Variants in MZT2A observed in about 807,000 individuals in gnomAD.
MZT2A encodes the protein mitotic-spindle organizing protein 2A.
MZT2A carries 8 observed loss-of-function variants against 12.4 expected under a neutral mutation model. That is an observed-to-expected ratio of 0.64 (90% CI 0.38 to 1.16). The LOEUF is 1.16. MZT2A is among the 50% of genes most tolerant of loss of function. The pLI is 0.01. For missense variants in MZT2A, 181 were observed against 223.6 expected (o/e 0.81, Z 1.22); for synonymous variants, 88 against 107.5 (o/e 0.82, Z 1.12).
chr2:131,474,318 C>T (rs1488564567), intron 2 of MZT2A, among the ~76,000 whole-genome samples: 4 of 151,570 alleles, frequency 2.6e-5, no homozygotes, highest in Admixed American at 2.0e-4. Context: ...AGGATGGTCT[C>T]GATCTCCTGA....
At chr2:131,493,187 G>A (rs887075145), upstream of MZT2A, 19 of 1,406,288 alleles carry the variant, frequency 1.4e-5, no homozygotes, top group Non-Finnish European at 1.7e-5. Context: ...CGCCCTGGGG[G>A]CTTCCGCGAG....
At chr2:131,490,852 T>G in intron 2 of MZT2A, 1 of 1,549,982 alleles carries the variant, frequency 6.5e-7, no homozygotes, top group Non-Finnish European at 8.7e-7. Flanking sequence ...ACGAGGGCCT[T>G]GCAGGGGGGC....
chr2:131,487,942 T>C (rs1256541034), intron 2 of MZT2A, among the ~76,000 whole-genome samples: 1 of 146,274 alleles, frequency 6.8e-6, no homozygotes, highest in Non-Finnish European at 1.5e-5. Flanking sequence ...AATTTTTGTA[T>C]GTTTTGTAGA....
At chr2:131,491,518 T>C (rs1293407547) in intron 2 of MZT2A, 6 of 410,672 alleles carry the variant, frequency 1.5e-5, no homozygotes, top group Admixed American at 4.1e-5. Context: ...CCTCCCGCCG[T>C]GGGGTCCCAA....
intron 2 of MZT2A, among the ~76,000 whole-genome samples, chr2:131,484,841 C>G (rs566793077): frequency 2.0e-5 from 3 of 152,088 alleles, no homozygotes; most frequent in Non-Finnish European, 4.4e-5. Context: ...ACAGTCTGAA[C>G]GCTTGAGACT....
At chr2:131,481,463 T>C (rs1373025400), downstream of MZT2A, among the ~76,000 whole-genome samples, 2 of 141,360 alleles carry the variant, frequency 1.4e-5, no homozygotes, top group Admixed American at 7.2e-5. Flanking sequence ...TGAGACAGAG[T>C]CTTGCTCTGT....
chr2:131,492,727 A>G (rs999910471), upstream of MZT2A: 8 of 1,273,572 alleles, frequency 6.3e-6, no homozygotes, highest in Non-Finnish European at 8.0e-6. Flanking sequence ...TACCTGTTTC[A>G]AGAAAGCGTG....
At position 131,492,339 on chromosome 2, in the gene MZT2A, G is replaced by A; in HGVS notation, c.38C>T (p.Ala13Val). The change falls in exon 1 of 3, where the codon GCG becomes GTG. Residue 13 changes from alanine to valine, a missense_variant. Physicochemically the swap from Ala to Val is moderately conservative, Grantham distance 64. Coordinates refer to ENST00000309451, the MANE Select transcript of MZT2A (RefSeq NM_001085365.2). ...GGCCGCCTCCAGCCCCGGGGGCGCC[G>A]CCGACCCCGGCCCAGGCCCTACGCC... Reference protein sequence around the residue: ...AQGVGPGPGSAAPPGLEAARQ... With the variant: ...AQGVGPGPGSVAPPGLEAARQ... The A allele has an allele frequency of 1.3e-6, 2 of 1,501,238 alleles. No homozygotes were observed. The highest frequency in any genetic ancestry group is 2.6e-5 in the East Asian group (1 of 37,922). 93.0% of individuals were successfully genotyped at this position (1,501,238 alleles called of 1,614,324 possible). A position where few individuals can be genotyped will look rare whatever the true frequency, so the allele number is the denominator to read the frequency against.
chr2:131,492,843 G>A, upstream of MZT2A: 2 of 1,479,074 alleles, frequency 1.4e-6, no homozygotes, highest in South Asian at 2.4e-5. Flanking sequence ...CCTTGCTAGG[G>A]AGAAAGTGCG....
intron 2 of MZT2A, among the ~76,000 whole-genome samples, chr2:131,486,909 G>A (rs1438115790): frequency 2.4e-4 from 37 of 152,180 alleles, no homozygotes; most frequent in East Asian, 3.9e-4. Context: ...GCGTGCTCTC[G>A]GGGCTAGTGG....
upstream of MZT2A, chr2:131,492,815 C>T: frequency 6.9e-7 from 1 of 1,440,990 alleles, no homozygotes; most frequent in Non-Finnish European, 9.2e-7. Context: ...AACAACCCTG[C>T]TTACGCGCAC....
At chr2:131,484,396 G>A (rs1301832622) in intron 2 of MZT2A, among the ~76,000 whole-genome samples, 178 bp from the exon 3 acceptor site, 1 of 152,240 alleles carries the variant, frequency 6.6e-6, no homozygotes, top group Non-Finnish European at 1.5e-5. Flanking sequence ...GACAGGTCAC[G>A]CCCCAGAAGC....
chr2:131,481,699 G>A (rs569171960), downstream of MZT2A, among the ~76,000 whole-genome samples: 8 of 151,798 alleles, frequency 5.3e-5, no homozygotes, highest in South Asian at 1.7e-3. Flanking sequence ...CCTCCCAAGT[G>A]CTGGATTACA....
chr2:131,491,729 C>G (rs908956177), intron 2 of MZT2A, 147 bp downstream of exon 2: 7 of 1,041,624 alleles, frequency 6.7e-6, no homozygotes, highest in African/African-American at 1.8e-5. Flanking sequence ...GGAGCAGAGC[C>G]CACGGATGGG....
At chr2:131,478,127 G>T in intron 2 of MZT2A, 1 of 1,594,860 alleles carries the variant, frequency 6.3e-7, no homozygotes, top group African/African-American at 1.3e-5. Flanking sequence ...AAGTTGCCTT[G>T]AAATGAATGG....
downstream of MZT2A, chr2:131,480,380 C>T (rs1678817587): frequency 2.5e-6 from 4 of 1,607,100 alleles, no homozygotes; most frequent in Non-Finnish European, 3.4e-6. Flanking sequence ...ACCTCAATCG[C>T]CTGATTGGGC....
intron 2 of MZT2A, among the ~76,000 whole-genome samples, chr2:131,489,106 C>T (rs1337749919): frequency 2.0e-5 from 3 of 152,242 alleles, no homozygotes. Flanking sequence ...CTCTGCTGAC[C>T]CTTCCTGCTC....
chr2:131,474,268 T>C (rs1369105698), intron 2 of MZT2A, among the ~76,000 whole-genome samples: 1 of 151,874 alleles, frequency 6.6e-6, no homozygotes, highest in Non-Finnish European at 1.5e-5. Flanking sequence ...CGGCTAATTT[T>C]TTGTATTTTT....
At position 131,475,319 on chromosome 2, in the gene MZT2A, CTTTTT is replaced by C. The variant is rs551443616; in HGVS notation, c.279-3142_279-3138del. Among the ~76,000 whole-genome samples, 25 of 94,534 alleles carry C rather than the reference CTTTTT, an allele frequency of 2.6e-4. No homozygotes were observed. In the East Asian group the frequency reaches 6.7e-3, roughly 25 times the overall value. 62.0% of individuals were successfully genotyped at this position (94,534 alleles called of 152,430 possible). ...TACGTTAATTTTGCCTCCTTTCTTC[CTTTTT>C]TTTTTTTTTTTTTTTTTTTTTGAAA... is the stretch of plus-strand genomic sequence containing the variant. On this transcript the variant is annotated intron_variant and NMD_transcript_variant, in intron 2 of 4. Coordinates refer to the MZT2A transcript ENST00000427024.
Sources: allele counts gnomAD v4.1 joint callset (sites outside exome capture counted in the v4.1 genomes callset), GRCh38; gene constraint gnomAD v4.1.1; transcripts MANE v1.5; gene names NCBI Gene and HGNC (gene_info 2026-07-23, HGNC 2026-07-21).